Variants in NUMB observed in about 807,000 individuals in gnomAD.
NUMB encodes the protein NUMB endocytic adaptor protein.
Under a neutral mutation model 59.7 loss-of-function variants are expected in NUMB, and 29 were observed. That is an observed-to-expected ratio of 0.49 (90% CI 0.36 to 0.66). The LOEUF is 0.66. NUMB is among the 30% of genes least tolerant of loss of function. The pLI, the probability that NUMB is intolerant of heterozygous loss-of-function variation, is 0.00. For missense variants in NUMB, 723 were observed against 822.0 expected (o/e 0.88, Z 1.47); for synonymous variants, 288 against 288.2 (o/e 1.00, Z 0.01).
At chr14:73,386,867 A>ATTT (rs71112745) in intron 2 of NUMB, among the ~76,000 whole-genome samples, 2,517 of 79,610 alleles carry the variant, frequency 0.032, 436 homozygotes, top group East Asian at 0.067. Flanking sequence ...CAGGTGTCTT[A>ATTT]TTTTTTTTTT....
chr14:73,289,276 G>A (rs955606321), intron 8 of NUMB, among the ~76,000 whole-genome samples: 5 of 152,228 alleles, frequency 3.3e-5, no homozygotes, highest in African/African-American at 1.2e-4. Flanking sequence ...AAACTGGTTT[G>A]TGTATGGGAG....
chr14:73,329,886 T>G (rs1891867057), intron 4 of NUMB, among the ~76,000 whole-genome samples: 1 of 152,196 alleles, frequency 6.6e-6, no homozygotes, highest in African/African-American at 2.4e-5. Flanking sequence ...CAGTAAGTGC[T>G]CAATAAAATT....
At chr14:73,305,973 A>G (rs1482787843) in intron 6 of NUMB, among the ~76,000 whole-genome samples, 1 of 152,230 alleles carries the variant, frequency 6.6e-6, no homozygotes, top group Non-Finnish European at 1.5e-5. Context: ...AAAGCCTTGA[A>G]GTCTATAATT....
intron 5 of NUMB, among the ~76,000 whole-genome samples, chr14:73,321,185 C>A (rs1891383587): frequency 6.6e-6 from 1 of 152,144 alleles, no homozygotes; most frequent in East Asian, 1.9e-4. Flanking sequence ...ACAGAGTGCA[C>A]ATGAAGTCAT....
At chr14:73,357,995 C>T (rs1208731012) in intron 3 of NUMB, among the ~76,000 whole-genome samples, 2 of 151,808 alleles carry the variant, frequency 1.3e-5, no homozygotes, top group African/African-American at 2.4e-5. Context: ...CACCTACCTA[C>T]TCGGCCAAGC....
chr14:73,425,944 G>A lies in NUMB; in HGVS notation c.-232-15876C>T, dbSNP rs143734792. The stretch of plus-strand genomic sequence containing the variant: ...CTGCCTCAGTCTCCGGAATAGGTGG[G>A]ACTACAGGTACGTGCCACCAAGCCC... On this transcript the variant is annotated intron_variant, in intron 1 of 12. Coordinates refer to ENST00000555238, the MANE Select transcript of NUMB (RefSeq NM_001005743.2). Among the ~76,000 whole-genome samples, 99 of 151,980 alleles carry A rather than the reference G, an allele frequency of 6.5e-4. 1 individual carries two copies. The highest frequency in any genetic ancestry group is 4.5e-3 in the East Asian group (23 of 5,166).
chr14:73,310,445 G>A (rs1261526438), intron 6 of NUMB, among the ~76,000 whole-genome samples: 2 of 152,136 alleles, frequency 1.3e-5, no homozygotes, highest in African/African-American at 4.8e-5. Flanking sequence ...TCAGGCCATT[G>A]GGCTGTCTAG....
chr14:73,346,274 G>T lies in NUMB; in HGVS notation c.126+9352C>A, dbSNP rs576039360. ...GTGAGCGGATCACCTGAGGTCGGGA[G>T]TTCGAGACCAGCTTGACCAACATGG... On this transcript the variant is annotated intron_variant, in intron 4 of 12. Coordinates refer to ENST00000555238, the MANE Select transcript of NUMB (RefSeq NM_001005743.2). Among the ~76,000 whole-genome samples the T allele has an allele frequency of 3.0e-4, 46 of 152,214 alleles. 1 individual carries two copies. The highest frequency in any genetic ancestry group is 6.0e-4 in the Non-Finnish European group (41 of 68,022).
chr14:73,305,219 C>A (rs979214775), intron 6 of NUMB, among the ~76,000 whole-genome samples: 5 of 152,078 alleles, frequency 3.3e-5, no homozygotes, highest in Non-Finnish European at 7.4e-5. Context: ...ACAATATGTA[C>A]ACAAATGGGC....
At chr14:73,280,178 T>C (rs1295131568) in intron 11 of NUMB, among the ~76,000 whole-genome samples, 1 of 152,072 alleles carries the variant, frequency 6.6e-6, no homozygotes, top group Non-Finnish European at 1.5e-5. Flanking sequence ...AATTACTCTT[T>C]GTTTCCTCCT....
intron 4 of NUMB, 54 bp downstream of exon 4, chr14:73,355,572 A>T: frequency 6.5e-7 from 1 of 1,529,416 alleles, no homozygotes; most frequent in Non-Finnish European, 8.8e-7. Flanking sequence ...TTTCACATAC[A>T]CTAGATTGTC....
chr14:73,372,305 T>TTTTTTA (rs375615684), intron 2 of NUMB, among the ~76,000 whole-genome samples: 2 of 85,998 alleles, frequency 2.3e-5, no homozygotes, highest in African/African-American at 9.1e-5. Context: ...TATATTTCTT[T>TTTTTTA]TATATATATA....
rs2140334413 is a variant in NUMB at position 73,277,278 on chromosome 14, T to A, written c.1256A>T (p.Gln419Leu). The change falls in exon 13 of 13, where the codon CAA (glutamine) becomes CTA (leucine). Residue 419 changes from glutamine to leucine, a missense_variant. Coordinates refer to ENST00000555238, the MANE Select transcript of NUMB (RefSeq NM_001005743.2). ...ACCTGGAGAGGCAGCACCAGAAGAT[T>A]GACCCCACTCGGTCCCTGGAACCAA... Reference protein sequence around the residue: ...AATCSGTEWGQSSGAASPGLF... With the variant: ...AATCSGTEWGLSSGAASPGLF... The A allele has an allele frequency of 3.1e-6, 5 of 1,599,872 alleles. No individual in the cohort carries two copies. The East Asian group carries it at 1.1e-4, about 36-fold the overall frequency.
chr14:73,443,262 T>C (rs532308193), intron 1 of NUMB, among the ~76,000 whole-genome samples: 1 of 152,300 alleles, frequency 6.6e-6, no homozygotes, highest in East Asian at 1.9e-4. Context: ...GGAAGAGAAC[T>C]ATACTAGCCT....
At chr14:73,443,562 G>A (rs1387711104) in intron 1 of NUMB, among the ~76,000 whole-genome samples, 7 of 147,028 alleles carry the variant, frequency 4.8e-5, no homozygotes, top group Admixed American at 2.7e-4. Flanking sequence ...GCCATTGCAC[G>A]CCAGCCTAGG....
chr14:73,380,882 A>G (rs1481236848), intron 2 of NUMB, among the ~76,000 whole-genome samples: 2 of 151,838 alleles, frequency 1.3e-5, no homozygotes, highest in African/African-American at 4.8e-5. Context: ...GTGCTACCAC[A>G]CCCAGCTAAT....
intron 2 of NUMB, among the ~76,000 whole-genome samples, chr14:73,385,203 G>A (rs969602954): frequency 9.2e-5 from 14 of 151,434 alleles, no homozygotes; most frequent in East Asian, 5.8e-4. Flanking sequence ...TCACTTGGTC[G>A]CCCAAGCTGG....
intron 2 of NUMB, among the ~76,000 whole-genome samples, chr14:73,388,984 A>T (rs1895690019): frequency 6.6e-6 from 1 of 151,934 alleles, no homozygotes; most frequent in Admixed American, 6.6e-5. Context: ...CTGCAGTCCC[A>T]GCTACCAGAG....
intron 1 of NUMB, among the ~76,000 whole-genome samples, chr14:73,452,324 T>C (rs1215753835): frequency 6.6e-6 from 1 of 152,050 alleles, no homozygotes; most frequent in African/African-American, 2.4e-5. Context: ...TGTGCCATTG[T>C]ACTCCAGCCT....
Sources: gnomAD v4.1 joint callset for allele counts (sites outside exome capture counted in the v4.1 genomes callset) on GRCh38, gnomAD v4.1.1 for gene constraint, MANE v1.5 for transcripts, NCBI Gene and HGNC (gene_info 2026-07-23, HGNC 2026-07-21) for gene names.